MACROD2: variants seen among roughly 807,000 people sequenced by gnomAD.
MACROD2 encodes the protein ADP-ribose glycohydrolase MACROD2.
Under a neutral mutation model 70.4 loss-of-function variants are expected in MACROD2, and 36 were observed. The observed-to-expected ratio is 0.51, with a 90% confidence interval of 0.39 to 0.68. The LOEUF (loss-of-function observed/expected upper bound fraction) is 0.68. MACROD2 is among the 30% of genes least tolerant of loss of function. The pLI is 0.00. For missense variants in MACROD2, 496 were observed against 538.4 expected (o/e 0.92, Z 0.78); for synonymous variants, 172 against 178.8 (o/e 0.96, Z 0.30).
chr20:14,522,121 G>C (rs954392434), intron 4 of MACROD2, among the ~76,000 whole-genome samples: 1 of 152,146 alleles, frequency 6.6e-6, no homozygotes, highest in Admixed American at 6.5e-5. Context: ...CTCTTCTTCT[G>C]TCTGGTTTAC....
At chr20:15,960,309 C>A (rs1204827360) in intron 12 of MACROD2, among the ~76,000 whole-genome samples, 1 of 152,018 alleles carries the variant, frequency 6.6e-6, no homozygotes, top group Non-Finnish European at 1.5e-5. Flanking sequence ...TCCCAACTTG[C>A]CCTAATTAGG....
At chr20:16,003,766 GT>G (rs2147510789) in intron 15 of MACROD2, among the ~76,000 whole-genome samples, 1 of 152,188 alleles carries the variant, frequency 6.6e-6, no homozygotes, top group East Asian at 1.9e-4. Flanking sequence ...CACCTCCCAG[GT>G]TCAAGCGATT....
intron 8 of MACROD2, among the ~76,000 whole-genome samples, chr20:15,525,001 G>C (rs1302508456): frequency 6.6e-6 from 1 of 152,100 alleles, no homozygotes; most frequent in Non-Finnish European, 1.5e-5. Context: ...TTCTGGTATT[G>C]GCTCTTCCTG....
At chr20:15,349,540 A>T (rs1261174550) in intron 6 of MACROD2, among the ~76,000 whole-genome samples, 1 of 152,092 alleles carries the variant, frequency 6.6e-6, no homozygotes, top group Non-Finnish European at 1.5e-5. Context: ...GTGGATCACG[A>T]GGTCAGGAGT....
intron 8 of MACROD2, among the ~76,000 whole-genome samples, chr20:15,730,361 C>T (rs770497418): frequency 9.2e-5 from 14 of 152,112 alleles, no homozygotes; most frequent in Non-Finnish European, 1.2e-4. Context: ...TTTAGCACTC[C>T]CTTCAGGACC....
chr20:14,996,835 C>T (rs1322227239), intron 5 of MACROD2, among the ~76,000 whole-genome samples: 1 of 152,034 alleles, frequency 6.6e-6, no homozygotes, highest in East Asian at 1.9e-4. Context: ...ACCGTCCACA[C>T]CAGCAGGCGG....
intron 5 of MACROD2, among the ~76,000 whole-genome samples, chr20:14,772,912 G>A (rs981015720): frequency 6.6e-6 from 1 of 151,908 alleles, no homozygotes; most frequent in Non-Finnish European, 1.5e-5. Flanking sequence ...CATATAACAA[G>A]TCCAAAGGTA....
At chr20:14,201,502 C>G (rs1438199357) in intron 3 of MACROD2, among the ~76,000 whole-genome samples, 1 of 152,038 alleles carries the variant, frequency 6.6e-6, no homozygotes, top group Non-Finnish European at 1.5e-5. Flanking sequence ...TTCTATGTGC[C>G]TCACTGATGA....
At chr20:14,610,247 A>G (rs184370323) in intron 4 of MACROD2, among the ~76,000 whole-genome samples, 1 of 152,312 alleles carries the variant, frequency 6.6e-6, no homozygotes, top group East Asian at 1.9e-4. Context: ...AATTTCATAA[A>G]CAATTTTACA....
intron 8 of MACROD2, among the ~76,000 whole-genome samples, chr20:15,672,844 C>T (rs553480324): frequency 1.2e-4 from 19 of 152,224 alleles, no homozygotes; most frequent in Middle Eastern, 6.8e-3. Flanking sequence ...TCTCACATGT[C>T]GTGGGAGGGG....
At chr20:14,867,872 T>C (rs2073445050) in intron 5 of MACROD2, among the ~76,000 whole-genome samples, 1 of 152,086 alleles carries the variant, frequency 6.6e-6, no homozygotes, top group African/African-American at 2.4e-5. Context: ...TCATCTTTAA[T>C]GACCGATGGT....
intron 12 of MACROD2, among the ~76,000 whole-genome samples, chr20:15,960,847 G>A (rs576672381): frequency 6.6e-6 from 1 of 152,210 alleles, no homozygotes; most frequent in South Asian, 2.1e-4. Flanking sequence ...GGAGGTGGGT[G>A]GGGCACGTTG....
chr20:15,287,233 AAG>A (rs1212666312), intron 6 of MACROD2, among the ~76,000 whole-genome samples: 1 of 152,246 alleles, frequency 6.6e-6, no homozygotes, highest in African/African-American at 2.4e-5. Context: ...GGCAGCAAGA[AAG>A]AGAGCTATTT....
chr20:14,361,143 T>C (rs781356574), intron 3 of MACROD2, among the ~76,000 whole-genome samples: 5 of 152,228 alleles, frequency 3.3e-5, no homozygotes, highest in Non-Finnish European at 7.3e-5. Flanking sequence ...AAAGTGGCTC[T>C]TTGAGGACTG....
At chr20:14,051,697 A>G (rs866978145) in intron 2 of MACROD2, 65 of 348,260 alleles carry the variant, frequency 1.9e-4, no homozygotes, top group Admixed American at 3.2e-4. Flanking sequence ...GAGAAAAAAC[A>G]AAGAGAATTA....
At chr20:14,861,979 A>ATATATATATATATATTTATATATATATT (rs2073324097) in intron 5 of MACROD2, among the ~76,000 whole-genome samples, 1 of 45,374 alleles carries the variant, frequency 2.2e-5, no homozygotes, top group Non-Finnish European at 3.9e-5. Context: ...ATATATAAAT[A>ATATATATATATATATTTATATATATATT]TATATATATA....
At chr20:15,448,443 G>A (rs185728149) in intron 7 of MACROD2, among the ~76,000 whole-genome samples, 6 of 152,228 alleles carry the variant, frequency 3.9e-5, no homozygotes, top group Admixed American at 1.3e-4. Flanking sequence ...GTCCTTCATA[G>A]CCCTTAATAC....
At chr20:15,433,969 G>T (rs1296430200) in intron 7 of MACROD2, among the ~76,000 whole-genome samples, 6 of 151,952 alleles carry the variant, frequency 3.9e-5, no homozygotes, top group Admixed American at 2.0e-4. Context: ...TCAATAAATG[G>T]TGCTGGGAAA....
chr20:14,435,655 G>T (rs540422382), intron 3 of MACROD2, among the ~76,000 whole-genome samples: 1 of 152,136 alleles, frequency 6.6e-6, no homozygotes, highest in African/African-American at 2.4e-5. Context: ...GGGAAAAATA[G>T]AATTATTCTT....
Sources: gnomAD v4.1 joint callset for allele counts (sites outside exome capture counted in the v4.1 genomes callset) on GRCh38, gnomAD v4.1.1 for gene constraint, MANE v1.5 for transcripts, NCBI Gene and HGNC (gene_info 2026-07-23, HGNC 2026-07-21) for gene names.